Variants in SDF2 observed in about 807,000 individuals in gnomAD.
SDF2 encodes the protein stromal cell-derived factor 2.
A neutral mutation model predicts 20.5 loss-of-function variants in SDF2; 12 were observed. The ratio of observed to expected loss-of-function variants is 0.58; its 90% CI spans 0.37 to 0.95. The LOEUF (loss-of-function observed/expected upper bound fraction) is 0.95. Ranked by LOEUF, SDF2 falls within the 40% of genes least tolerant of loss-of-function variation. SDF2 has a pLI of 0.01. For missense variants in SDF2, 238 were observed against 263.1 expected, an observed-to-expected ratio of 0.90 and a Z score of 0.66; for synonymous variants, 100 against 101.0, an observed-to-expected ratio of 0.99 and a Z score of 0.06.
chr17:28,658,487 T>C (rs2071988309), intron 1 of SDF2, among the ~76,000 whole-genome samples: 1 of 152,224 alleles, frequency 6.6e-6, no homozygotes, highest in Middle Eastern at 3.2e-3. Flanking sequence ...TTCAAGTATC[T>C]GTTTAACAAA....
At position 28,648,822 on chromosome 17, in the gene SDF2, T is replaced by C. The variant is rs529081230; in HGVS notation, c.*167A>G. The C allele has an allele frequency of 2.2e-5, 15 of 674,334 alleles. No individual in the cohort carries two copies. In the East Asian group the frequency reaches 3.2e-4, roughly 15 times the overall value. 41.8% of individuals were successfully genotyped at this position (674,334 alleles called of 1,614,324 possible). A position where few individuals can be genotyped will look rare whatever the true frequency, so the allele number is the denominator to read the frequency against. On this transcript the variant is annotated 3_prime_UTR_variant, in exon 3 of 3. Transcript: ENST00000247020. The stretch of plus-strand genomic sequence containing the variant: ...AGTCTGGGAGAGTGACTAGTTCAAA[T>C]GTGCAGGGCTGAAGCTTCCAAACAC...
At chr17:28,659,911 G>A (rs1434540538) in intron 1 of SDF2, among the ~76,000 whole-genome samples, 2 of 152,258 alleles carry the variant, frequency 1.3e-5, no homozygotes, top group Non-Finnish European at 2.9e-5. Flanking sequence ...GGAAGTTGTA[G>A]TGAGCCAAGA....
rs776899296 is a variant in SDF2 at position 28,649,212 on chromosome 17, T to C, written c.413A>G (p.Asn138Ser). The change falls in exon 3 of 3, where the codon AAT becomes AGT. Residue 138 changes from asparagine (N) to serine (S), a missense_variant. Asn to Ser is a conservative substitution (Grantham distance 46). Coordinates refer to ENST00000247020, the MANE Select transcript of SDF2 (RefSeq NM_006923.4). ...ACCATCTCTCACCCAGTAGGGTCCA[T>C]TACAGAGCACTGTCCAGTCATCCAG... is the stretch of plus-strand genomic sequence containing the variant. ...DYLDDWTVLC[N>S]GPYWVRDGEV... is the part of the protein sequence containing the mutation. 2 of 1,614,184 alleles carry C rather than the reference T, an allele frequency of 1.2e-6. No individual in the cohort carries two copies. The highest frequency in any genetic ancestry group is 1.1e-5 in the South Asian group (1 of 91,082).
chr17:28,660,140 G>A lies in SDF2; in HGVS notation c.151+1586C>T, dbSNP rs577094851. On this transcript the variant is annotated intron_variant, in intron 1 of 2. Transcript: ENST00000247020. ...TGCAATCCCAGGCACTCGGCAGGCC[G>A]TGGCAGGAGAATCACGGGAGCCCCA... 5.9e-5 allele frequency among the ~76,000 whole-genome samples: 9 copies of A among 152,326 alleles called. No homozygotes were observed. The South Asian group carries it at 1.2e-3, about 21-fold the overall frequency.
At chr17:28,660,188 G>A (rs949741614) in intron 1 of SDF2, among the ~76,000 whole-genome samples, 4 of 152,228 alleles carry the variant, frequency 2.6e-5, no homozygotes, top group Admixed American at 6.5e-5. Context: ...GCAGCGAGCC[G>A]AGATCACGGC....
At position 28,661,799 on chromosome 17, in the gene SDF2, G is replaced by A; in HGVS notation, c.78C>T (p.Cys26=). The A allele has an allele frequency of 6.2e-7, 1 of 1,614,036 alleles. No homozygotes were observed. The highest frequency in any genetic ancestry group is 2.2e-5 in the East Asian group (1 of 44,882). ...VGASSLGVVT[C]GSVVKLLNTR... is the part of the protein sequence containing the mutation. ...TATTGAGTAGCTTCACCACGGAGCC[G>A]CAAGTAACGACACCCAGGCTGGACG... is the stretch of plus-strand genomic sequence containing the variant. Residue 26 remains cysteine (C), a synonymous_variant, in exon 1 of 3, where the codon TGC becomes TGT. Transcript: ENST00000247020.
At chr17:28,660,049 G>A (rs555025196) in intron 1 of SDF2, among the ~76,000 whole-genome samples, 1 of 152,370 alleles carries the variant, frequency 6.6e-6, no homozygotes, top group East Asian at 1.9e-4. Context: ...GACCAGCCCA[G>A]CCAACACGGC....
Position 28,648,802 on chromosome 17 carries a change from G to C in SDF2, c.*187C>G. ...AGAAAGAACTGACCCACGCAAGTCT[G>C]GGAGAGTGACTAGTTCAAATGTGCA... On this transcript the variant is annotated 3_prime_UTR_variant, in exon 3 of 3. Coordinates refer to ENST00000247020, the MANE Select transcript of SDF2 (RefSeq NM_006923.4). The C allele has an allele frequency of 1.6e-6, 1 of 626,286 alleles. No homozygotes were observed. The highest frequency in any genetic ancestry group is 2.8e-6 in the Non-Finnish European group (1 of 360,250). 38.8% of individuals were successfully genotyped at this position (626,286 alleles called of 1,614,324 possible).
intron 2 of SDF2, among the ~76,000 whole-genome samples, chr17:28,652,599 C>T (rs995458063): frequency 6.6e-6 from 1 of 152,156 alleles, no homozygotes; most frequent in Non-Finnish European, 1.5e-5. Flanking sequence ...TGAGCCACTG[C>T]GCCTGGCTTA....
intron 2 of SDF2, among the ~76,000 whole-genome samples, chr17:28,653,127 T>G (rs531172027): frequency 6.6e-6 from 1 of 152,314 alleles, no homozygotes; most frequent in South Asian, 2.1e-4. Context: ...CATAGTGACT[T>G]TCTTCCAAAA....
chr17:28,652,414 G>A (rs534331793), intron 2 of SDF2, among the ~76,000 whole-genome samples: 4 of 152,078 alleles, frequency 2.6e-5, no homozygotes, highest in Admixed American at 1.3e-4. Flanking sequence ...AGGTTCAAAC[G>A]ATTCTCCTAC....
intron 1 of SDF2, among the ~76,000 whole-genome samples, chr17:28,657,027 G>A (rs984304113): frequency 1.3e-5 from 2 of 152,040 alleles, no homozygotes; most frequent in Non-Finnish European, 2.9e-5. Context: ...ATGAGTTCGA[G>A]ACCAGCCTGG....
At chr17:28,657,237 C>T (rs185584569) in intron 1 of SDF2, among the ~76,000 whole-genome samples, 2 of 152,022 alleles carry the variant, frequency 1.3e-5, no homozygotes, top group East Asian at 3.9e-4. Flanking sequence ...AAAACAAAAA[C>T]AAAAACAAAA....
chr17:28,654,176 T>A (rs2151582194), intron 2 of SDF2, among the ~76,000 whole-genome samples: 1 of 152,044 alleles, frequency 6.6e-6, no homozygotes, highest in South Asian at 2.1e-4. Flanking sequence ...TAGCCAGGCA[T>A]GGTGGCGTGA....
upstream of SDF2, chr17:28,661,966 A>C: frequency 6.9e-7 from 1 of 1,447,790 alleles, no homozygotes; most frequent in Non-Finnish European, 9.5e-7. Context: ...GGAGAGAAGG[A>C]AGTGAAGAAG....
At chr17:28,661,627 TA>T in intron 1 of SDF2, 98 bp downstream of exon 1, 2 of 1,361,898 alleles carry the variant, frequency 1.5e-6, no homozygotes, top group Non-Finnish European at 2.0e-6. Context: ...AGGGAACCCC[TA>T]ACTTTCCCAG....
intron 2 of SDF2, among the ~76,000 whole-genome samples, chr17:28,651,270 A>C (rs911348870): frequency 6.6e-6 from 1 of 152,080 alleles, no homozygotes; most frequent in African/African-American, 2.4e-5. Context: ...CACCATGTTG[A>C]CCAGGCTGGT....
intron 1 of SDF2, chr17:28,661,110 T>C: frequency 2.4e-6 from 1 of 409,906 alleles, no homozygotes; most frequent in Non-Finnish European, 4.7e-6. Context: ...AAAAGCAGTT[T>C]TCTCTGCAAT....
intron 1 of SDF2, among the ~76,000 whole-genome samples, chr17:28,658,636 G>C (rs1261563962): frequency 1.1e-4 from 17 of 152,130 alleles, no homozygotes; most frequent in Admixed American, 1.1e-3. Context: ...GAACAAAATG[G>C]AGTCTCCTAT....
Sources: allele counts gnomAD v4.1 joint callset (sites outside exome capture counted in the v4.1 genomes callset), GRCh38; gene constraint gnomAD v4.1.1; transcripts MANE v1.5; gene names NCBI Gene and HGNC (gene_info 2026-07-23, HGNC 2026-07-21).